The following MARCHF1 variants were observed in gnomAD, a reference collection of about 807,000 sequenced individuals.
The protein encoded by MARCHF1 is E3 ubiquitin-protein ligase MARCHF1.
A neutral mutation model predicts 54.2 loss-of-function variants in MARCHF1; 40 were observed. That is an observed-to-expected ratio of 0.74 (90% confidence interval 0.57 to 0.96). The LOEUF (loss-of-function observed/expected upper bound fraction) is 0.96. MARCHF1 is among the 40% of genes least tolerant of loss of function. The pLI is 0.00. For missense variants in MARCHF1, 586 were observed against 656.5 expected (o/e 0.89, Z 1.17); for synonymous variants, 236 against 236.3 (o/e 1.00, Z 0.01).
At chr4:163,842,900 C>T (rs1416013871) in intron 4 of MARCHF1, among the ~76,000 whole-genome samples, 2 of 152,004 alleles carry the variant, frequency 1.3e-5, no homozygotes, top group Admixed American at 6.6e-5. Context: ...GATGCATGTG[C>T]GGTGTGTTAC....
At chr4:163,977,621 T>C (rs1405709905) in intron 3 of MARCHF1, among the ~76,000 whole-genome samples, 11 of 152,158 alleles carry the variant, frequency 7.2e-5, no homozygotes, top group African/African-American at 2.7e-4. Context: ...GAACAATTCA[T>C]GTAGAAATGA....
At chr4:164,162,464 G>A (rs778594376) in intron 1 of MARCHF1, among the ~76,000 whole-genome samples, 25 of 152,186 alleles carry the variant, frequency 1.6e-4, no homozygotes, top group Non-Finnish European at 2.9e-4. Context: ...GACAGGAGCC[G>A]TGACCTTCAG....
At chr4:163,738,019 C>T (rs911386779) in intron 4 of MARCHF1, among the ~76,000 whole-genome samples, 1 of 152,210 alleles carries the variant, frequency 6.6e-6, no homozygotes, top group Non-Finnish European at 1.5e-5. Context: ...GCAGTTTAGG[C>T]TTCCTGGTGG....
At chr4:163,657,680 C>T (rs1362477288) in intron 5 of MARCHF1, among the ~76,000 whole-genome samples, 3 of 152,018 alleles carry the variant, frequency 2.0e-5, no homozygotes, top group Non-Finnish European at 4.4e-5. Context: ...GCTACAGTAA[C>T]CAAAACAGCA....
At chr4:164,011,838 C>G (rs1579459408) in intron 2 of MARCHF1, among the ~76,000 whole-genome samples, 2 of 152,156 alleles carry the variant, frequency 1.3e-5, no homozygotes, top group South Asian at 4.1e-4. Flanking sequence ...GTAAGACACT[C>G]TTGCATTGCC....
At chr4:163,733,225 G>GTGTATATATATATACACA (rs1745923218) in intron 4 of MARCHF1, among the ~76,000 whole-genome samples, 1 of 13,020 alleles carries the variant, frequency 7.7e-5, no homozygotes. Context: ...ATATATACAC[G>GTGTATATATATATACACA]TGTATATATA....
At chr4:163,558,234 G>A (rs1313080536) in intron 8 of MARCHF1, among the ~76,000 whole-genome samples, 2 of 152,194 alleles carry the variant, frequency 1.3e-5, no homozygotes, top group Non-Finnish European at 1.5e-5. Flanking sequence ...GGCGTGAACG[G>A]TTCAATGTGC....
At chr4:164,263,020 G>C (rs1733509782) in intron 1 of MARCHF1, among the ~76,000 whole-genome samples, 1 of 152,170 alleles carries the variant, frequency 6.6e-6, no homozygotes, top group African/African-American at 2.4e-5. Context: ...TCAGGAAGGG[G>C]AGAGAGGAAG....
chr4:164,380,012 C>T (rs1002178932), intron 1 of MARCHF1, among the ~76,000 whole-genome samples: 1 of 149,328 alleles, frequency 6.7e-6, no homozygotes, highest in African/African-American at 2.5e-5. Context: ...AAATGCTATA[C>T]TTAGCTTTAA....
intron 1 of MARCHF1, among the ~76,000 whole-genome samples, chr4:164,163,529 A>C (rs1303070532): frequency 2.0e-5 from 3 of 151,982 alleles, no homozygotes; most frequent in African/African-American, 7.2e-5. Flanking sequence ...CAATTAATAC[A>C]AAAAAAGTAA....
rs545624752 is a variant in MARCHF1, at chr4:164,012,659, C to A, written c.-247-23950G>T. Among the ~76,000 whole-genome samples, 8 of 152,226 alleles carry A rather than the reference C, an allele frequency of 5.3e-5. No homozygotes were observed. The East Asian group carries it at 1.6e-3, about 30-fold the overall frequency. ...GGTGGATATGAGAGTGTCCACATCA[C>A]CCCTTTCCCCAATTTCAGATAGCCC... On this transcript the variant is annotated intron_variant, in intron 2 of 9. Coordinates refer to ENST00000514618, the MANE Select transcript of MARCHF1 (RefSeq NM_001394959.1).
intron 3 of MARCHF1, among the ~76,000 whole-genome samples, chr4:163,966,364 CTAAT>C (rs538431557): frequency 1.3e-5 from 2 of 151,736 alleles, no homozygotes; most frequent in African/African-American, 2.4e-5. Flanking sequence ...AAATTTTTAC[CTAAT>C]TAATAGAATG....
chr4:164,197,495 A>T, intron 1 of MARCHF1: 1 of 1,613,646 alleles, frequency 6.2e-7, no homozygotes, highest in South Asian at 1.1e-5. Flanking sequence ...AGGCCCCCTG[A>T]GACTCTTAGT....
chr4:163,891,168 T>C (rs140153562), intron 3 of MARCHF1, among the ~76,000 whole-genome samples: 1 of 152,228 alleles, frequency 6.6e-6, no homozygotes, highest in Non-Finnish European at 1.5e-5. Context: ...TTTGTAATCA[T>C]TATTGCCATG....
chr4:164,109,955 C>G (rs1755799859), intron 2 of MARCHF1, among the ~76,000 whole-genome samples: 1 of 144,570 alleles, frequency 6.9e-6, no homozygotes, highest in Non-Finnish European at 1.5e-5. Context: ...AAATTCACCA[C>G]TGATAGAACT....
chr4:164,087,578 A>G (rs535973913), intron 2 of MARCHF1, among the ~76,000 whole-genome samples: 8 of 152,268 alleles, frequency 5.3e-5, no homozygotes, highest in African/African-American at 1.7e-4. Flanking sequence ...AGTCAAATAA[A>G]CACATGGAAT....
chr4:164,106,812 T>G (rs1209161641), intron 2 of MARCHF1, among the ~76,000 whole-genome samples: 1 of 152,070 alleles, frequency 6.6e-6, no homozygotes, highest in Non-Finnish European at 1.5e-5. Flanking sequence ...GCCAGCCATT[T>G]ACTCCTTAAG....
At chr4:164,038,309 C>T (rs1011580236) in intron 2 of MARCHF1, among the ~76,000 whole-genome samples, 7 of 151,966 alleles carry the variant, frequency 4.6e-5, no homozygotes, top group Admixed American at 6.6e-5. Flanking sequence ...CTGGCTAACA[C>T]GGTGAAATCC....
intron 2 of MARCHF1, among the ~76,000 whole-genome samples, chr4:164,009,340 T>A (rs527319821): frequency 6.6e-6 from 1 of 152,140 alleles, no homozygotes; most frequent in Non-Finnish European, 1.5e-5. Context: ...CAGGACCTGA[T>A]AAGTTCCCTG....
Sources: allele counts gnomAD v4.1 joint callset (sites outside exome capture counted in the v4.1 genomes callset), GRCh38; gene constraint gnomAD v4.1.1; transcripts MANE v1.5; gene names NCBI Gene and HGNC (gene_info 2026-07-23, HGNC 2026-07-21).